The following CGGBP1 variants were observed in gnomAD, a reference collection of about 807,000 sequenced individuals.
CGGBP1 encodes CGG triplet repeat-binding protein 1.
Under a neutral mutation model 11.4 loss-of-function variants are expected in CGGBP1, and 4 were observed. The ratio of observed to expected loss-of-function variants is 0.35; its 90% CI spans 0.17 to 0.80. CGGBP1 has a LOEUF of 0.80. Ranked by LOEUF, CGGBP1 falls within the 30% of genes least tolerant of loss-of-function variation. The probability of loss-of-function intolerance (pLI) is 0.52; values close to 1 mark genes in which losing one functional copy is unlikely to be tolerated. For synonymous variants in CGGBP1, 76 were observed against 74.1 expected (o/e 1.03, Z -0.13); for missense variants, 135 against 202.1 (o/e 0.67, Z 2.01).
intron 2 of CGGBP1, among the ~76,000 whole-genome samples, chr3:88,081,382 C>T (rs995406015): frequency 1.3e-5 from 2 of 152,092 alleles, no homozygotes; most frequent in African/African-American, 4.8e-5. Context: ...TACCTTGAGA[C>T]TGCAAATCCT....
chr3:88,136,172 T>C (rs1706772245), intron 2 of CGGBP1, among the ~76,000 whole-genome samples: 1 of 152,274 alleles, frequency 6.6e-6, no homozygotes. Context: ...TAAAACTTAA[T>C]TTTAAACAAT....
chr3:88,146,972 T>C (rs762322467), intron 1 of CGGBP1, among the ~76,000 whole-genome samples: 6 of 152,332 alleles, frequency 3.9e-5, no homozygotes, highest in Middle Eastern at 3.4e-3. Flanking sequence ...GGTTCCCTGC[T>C]TCTACCCTTA....
chr3:88,133,373 G>T (rs1706578496), intron 2 of CGGBP1, among the ~76,000 whole-genome samples: 1 of 152,084 alleles, frequency 6.6e-6, no homozygotes, highest in South Asian at 2.1e-4. Context: ...ATGTGTCATT[G>T]TGTATACTTA....
intron 2 of CGGBP1, among the ~76,000 whole-genome samples, chr3:88,127,620 G>A (rs4432672): frequency 0.78 from 119,109 of 152,018 alleles, 47,578 homozygotes; most frequent in South Asian, 0.91. Flanking sequence ...TTCAAGAGAA[G>A]TGAGGACAGG....
rs747262023 is a variant in CGGBP1, at chr3:88,055,866, A to C, written c.111T>G (p.Asp37Glu). 2.4e-5 allele frequency: 39 copies of C among 1,614,070 alleles called. No individual in the cohort carries two copies. The highest frequency in any genetic ancestry group is 4.4e-5 in the South Asian group (4 of 91,090). ...AAGAAGTGCAGAAGAGTTTTCCTCC[A>C]TCTTCATGCAGCTCACCTCCAAACT... ...VTEFGGELHEDGGKLFCTSCN... is the reference protein window; with the variant it reads ...VTEFGGELHEEGGKLFCTSCN... Residue 37 changes from aspartate (D) to glutamate (E), a missense_variant, in exon 4 of 4, where the codon GAT becomes GAG. By Grantham distance (45) the Asp-to-Glu change is conservative (BLOSUM62 2). Coordinates refer to ENST00000482016, the MANE Select transcript of CGGBP1 (RefSeq NM_001008390.2). This position sits in a 1 kb window ranked among gnomAD's most constrained non-coding sequence, Gnocchi z 4.2.
chr3:88,119,332 C>A (rs1323317858), intron 2 of CGGBP1, among the ~76,000 whole-genome samples: 84 of 131,858 alleles, frequency 6.4e-4, no homozygotes, highest in Non-Finnish European at 1.2e-3. Flanking sequence ...GGGAATTGAA[C>A]AATGAGAACA....
intron 2 of CGGBP1, among the ~76,000 whole-genome samples, chr3:88,097,691 C>T (rs1397801285): frequency 6.6e-6 from 1 of 152,152 alleles, no homozygotes; most frequent in Non-Finnish European, 1.5e-5. Context: ...CTCAAAACCG[C>T]TCAACTACAT....
rs1706519395 is a variant in CGGBP1 at position 88,055,444 on chromosome 3, T to C, written c.*29A>G. ...ACATAACTTTAATACTCCACATTTATCTTGATCACAATGGTGGTAACCTCC... is the reference window on the plus strand; with the variant it reads ...ACATAACTTTAATACTCCACATTTACCTTGATCACAATGGTGGTAACCTCC... On this transcript the variant is annotated 3_prime_UTR_variant, in exon 4 of 4. Transcript: ENST00000482016. This position sits in a 1 kb window ranked among gnomAD's most constrained non-coding sequence, Gnocchi z 4.2. 2.7e-6 allele frequency: 4 copies of C among 1,495,974 alleles called. No individual in the cohort carries two copies. The highest frequency in any genetic ancestry group is 3.6e-6 in the Non-Finnish European group (4 of 1,119,018). The allele number at this position is 1,495,974 out of a possible 1,614,324, so 92.7% of individuals were successfully genotyped here. A position where few individuals can be genotyped will look rare whatever the true frequency, so the allele number is the denominator to read the frequency against.
Position 88,090,845 on chromosome 3 carries a change from C to T in CGGBP1, c.-228-32622G>A, listed in dbSNP as rs543033439. Among the ~76,000 whole-genome samples the T allele has an allele frequency of 6.6e-5, 10 of 152,110 alleles. No individual in the cohort carries two copies. In the East Asian group the frequency reaches 7.7e-4, roughly 12 times the overall value. On this transcript the variant is annotated intron_variant, in intron 2 of 3. Transcript: ENST00000462901. Reference sequence around the variant, plus strand: ...CATACATAAAATACAGTAACACTGACGACATCTGATAAGCTAAGAAAAAAA... The same window carrying T: ...CATACATAAAATACAGTAACACTGATGACATCTGATAAGCTAAGAAAAAAA...
At chr3:88,083,816 G>C (rs1313068359) in intron 2 of CGGBP1, among the ~76,000 whole-genome samples, 1 of 152,094 alleles carries the variant, frequency 6.6e-6, no homozygotes, top group South Asian at 2.1e-4. Context: ...AAGAAAAAAA[G>C]TGAAAGATGT....
At chr3:88,131,736 G>C (rs1706477968) in intron 2 of CGGBP1, among the ~76,000 whole-genome samples, 1 of 152,180 alleles carries the variant, frequency 6.6e-6, no homozygotes, top group African/African-American at 2.4e-5. Context: ...CGTGGGTTAT[G>C]ATGGCCTACC....
At chr3:88,076,689 G>A (rs768681633) in intron 2 of CGGBP1, among the ~76,000 whole-genome samples, 4 of 152,092 alleles carry the variant, frequency 2.6e-5, no homozygotes, top group Non-Finnish European at 4.4e-5. Context: ...CTTCTTGTGC[G>A]TATATTTTGG....
At chr3:88,145,219 A>T (rs1464389985) in intron 1 of CGGBP1, among the ~76,000 whole-genome samples, 1 of 152,120 alleles carries the variant, frequency 6.6e-6, no homozygotes, top group East Asian at 1.9e-4. Flanking sequence ...TTTTTCGTTC[A>T]CTAACAAAGG....
intron 2 of CGGBP1, chr3:88,126,401 T>A: frequency 9.6e-7 from 1 of 1,043,484 alleles, no homozygotes; most frequent in Non-Finnish European, 1.2e-6. Context: ...TATTTTCACA[T>A]GAAAAGTGTT....
chr3:88,124,079 G>A (rs868690010), intron 2 of CGGBP1, among the ~76,000 whole-genome samples: 1 of 152,074 alleles, frequency 6.6e-6, no homozygotes, highest in Non-Finnish European at 1.5e-5. Flanking sequence ...GAAATTTCAT[G>A]CCAAGGAAAC....
intron 2 of CGGBP1, among the ~76,000 whole-genome samples, chr3:88,068,501 A>G (rs1707326680): frequency 6.6e-6 from 1 of 152,150 alleles, no homozygotes; most frequent in Admixed American, 6.5e-5. Flanking sequence ...ATGTATTTCT[A>G]CAACTAGAGT....
chr3:88,095,985 A>G, intron 2 of CGGBP1: 1 of 249,552 alleles, frequency 4.0e-6, no homozygotes, highest in South Asian at 5.0e-5. Flanking sequence ...GCACTGTTCT[A>G]CCTGAAGGAC....
At chr3:88,077,539 G>A (rs1338860287) in intron 2 of CGGBP1, among the ~76,000 whole-genome samples, 1 of 151,956 alleles carries the variant, frequency 6.6e-6, no homozygotes, top group East Asian at 1.9e-4. Flanking sequence ...GTTTCCCTGT[G>A]TATGGGGAAT....
rs539171425 is a variant in CGGBP1, at chr3:88,109,663, C to T, written c.-229+31307G>A. Among the ~76,000 whole-genome samples, 16 of 152,176 alleles carry T rather than the reference C, an allele frequency of 1.1e-4. 1 individual carries two copies. The highest frequency in any genetic ancestry group is 5.9e-4 in the Admixed American group (9 of 15,272). On this transcript the variant is annotated intron_variant, in intron 2 of 3. Transcript: ENST00000462901. ...AGTAGACCTGCACAGTTTAAATCTGCGTTATTCAAGGGGGAACTGTAAATC... is the reference window on the plus strand; with the variant it reads ...AGTAGACCTGCACAGTTTAAATCTGTGTTATTCAAGGGGGAACTGTAAATC...
Sources: gnomAD v4.1 joint callset for allele counts (sites outside exome capture counted in the v4.1 genomes callset) on GRCh38, gnomAD v4.1.1 for gene constraint, Gnocchi (gnomAD v3.1) non-coding constraint, MANE v1.5 for transcripts, NCBI Gene and HGNC (gene_info 2026-07-23, HGNC 2026-07-21) for gene names.